CSMD1: variants seen among roughly 807,000 people sequenced by gnomAD.
CSMD1 encodes the protein CUB and sushi domain-containing protein 1.
A neutral mutation model predicts 417.5 loss-of-function variants in CSMD1; 213 were observed. The ratio of observed to expected loss-of-function variants is 0.51; its 90% CI spans 0.46 to 0.57. CSMD1 has a LOEUF of 0.57. CSMD1 is among the 20% of genes least tolerant of loss of function. The pLI is 0.00. For missense variants in CSMD1, 6,923 were observed against 4,529.7 expected, an observed-to-expected ratio of 1.53 and a Z score of -15.17; for synonymous variants, 2,862 against 1,736.8, an observed-to-expected ratio of 1.65 and a Z score of -16.11.
intron 3 of CSMD1, among the ~76,000 whole-genome samples, chr8:4,292,399 C>T (rs1243288407): frequency 6.6e-6 from 1 of 151,950 alleles, no homozygotes; most frequent in Non-Finnish European, 1.5e-5. Context: ...ACTACAGGTG[C>T]CCGCCACCAC....
intron 1 of CSMD1, among the ~76,000 whole-genome samples, chr8:4,947,453 G>GACTT (rs1342059468): frequency 6.6e-6 from 1 of 151,972 alleles, no homozygotes; most frequent in Non-Finnish European, 1.5e-5. Context: ...GTCAATATTT[G>GACTT]ACTTGTCATC....
At chr8:3,293,886 TGGA>T (rs1803765770) in intron 25 of CSMD1, among the ~76,000 whole-genome samples, 1 of 152,198 alleles carries the variant, frequency 6.6e-6, no homozygotes, top group Non-Finnish European at 1.5e-5. Context: ...TGTGTTCCTT[TGGA>T]GGAGGAGAGG....
intron 3 of CSMD1, among the ~76,000 whole-genome samples, chr8:4,351,687 T>G (rs146832434): frequency 6.6e-6 from 1 of 152,298 alleles, no homozygotes; most frequent in Non-Finnish European, 1.5e-5. Flanking sequence ...AGAGGAGACT[T>G]GAATCCTTAG....
chr8:2,979,209 C>A (rs1158383252), intron 54 of CSMD1, among the ~76,000 whole-genome samples: 2 of 152,358 alleles, frequency 1.3e-5, no homozygotes, highest in Admixed American at 6.5e-5. Context: ...CCCCCCAACA[C>A]ACATACACAC....
At chr8:4,482,616 T>C (rs373385605) in intron 2 of CSMD1, among the ~76,000 whole-genome samples, 2 of 152,208 alleles carry the variant, frequency 1.3e-5, no homozygotes, top group South Asian at 2.1e-4. Context: ...CACCCAGTAA[T>C]GGGATTGCTG....
At chr8:3,269,230 GTTCA>G (rs1801659278) in intron 26 of CSMD1, among the ~76,000 whole-genome samples, 3 of 152,226 alleles carry the variant, frequency 2.0e-5, no homozygotes, top group Non-Finnish European at 2.9e-5. Context: ...GGCCTATGCT[GTTCA>G]CAATCTATGA....
At chr8:3,178,165 G>A (rs1217257444) in intron 37 of CSMD1, among the ~76,000 whole-genome samples, 1 of 152,088 alleles carries the variant, frequency 6.6e-6, no homozygotes, top group East Asian at 1.9e-4. Context: ...TCTTGGAACT[G>A]CTTTTGCTAC....
chr8:4,674,402 AGGCAAGT>A (rs1295318825), intron 1 of CSMD1, among the ~76,000 whole-genome samples: 2 of 152,154 alleles, frequency 1.3e-5, no homozygotes, highest in Non-Finnish European at 2.9e-5. Flanking sequence ...AAGAAGGTAA[AGGCAAGT>A]GGAAACAGGT....
At chr8:4,816,178 CA>C (rs1487319979) in intron 1 of CSMD1, among the ~76,000 whole-genome samples, 2 of 149,276 alleles carry the variant, frequency 1.3e-5, no homozygotes, top group African/African-American at 2.5e-5. Context: ...GTCACTAAAT[CA>C]CACTTGTTAT....
chr8:3,586,748 T>C (rs1006780866), intron 8 of CSMD1, among the ~76,000 whole-genome samples: 1 of 152,158 alleles, frequency 6.6e-6, no homozygotes, highest in Non-Finnish European at 1.5e-5. Context: ...AGAAAGCTAG[T>C]GATATTTCAG....
intron 12 of CSMD1, among the ~76,000 whole-genome samples, chr8:3,451,927 A>C (rs1815749328): frequency 6.6e-6 from 1 of 152,138 alleles, no homozygotes; most frequent in South Asian, 2.1e-4. Context: ...TTTTCACGAC[A>C]TTGATTCTTC....
intron 33 of CSMD1, among the ~76,000 whole-genome samples, chr8:3,198,583 G>C (rs567301620): frequency 1.3e-5 from 2 of 152,080 alleles, no homozygotes; most frequent in Non-Finnish European, 2.9e-5. Context: ...AGAGATCTTT[G>C]TCTCCTGATT....
At chr8:3,053,559 G>A (rs1347169721) in intron 49 of CSMD1, among the ~76,000 whole-genome samples, 1 of 152,180 alleles carries the variant, frequency 6.6e-6, no homozygotes, top group Non-Finnish European at 1.5e-5. Context: ...GCAGAAGGCA[G>A]CATCTAGTGG....
At chr8:3,205,960 C>T (rs145714024) in intron 30 of CSMD1, among the ~76,000 whole-genome samples, 10 of 152,126 alleles carry the variant, frequency 6.6e-5, no homozygotes, top group East Asian at 5.8e-4. Flanking sequence ...GTTGTCTGTT[C>T]GAAGTCAATC....
intron 3 of CSMD1, among the ~76,000 whole-genome samples, chr8:4,249,171 T>C (rs1802895309): frequency 6.6e-6 from 1 of 152,190 alleles, no homozygotes; most frequent in Non-Finnish European, 1.5e-5. Flanking sequence ...AAGAGAATGA[T>C]AGACTACTTG....
chr8:4,638,998 C>A (rs569927699), intron 1 of CSMD1, among the ~76,000 whole-genome samples: 1 of 152,144 alleles, frequency 6.6e-6, no homozygotes, highest in African/African-American at 2.4e-5. Flanking sequence ...AAGAACCAAG[C>A]GCTGAAAGAA....
At chr8:3,585,164 T>C (rs949636914) in intron 9 of CSMD1, among the ~76,000 whole-genome samples, 27 of 152,064 alleles carry the variant, frequency 1.8e-4, no homozygotes, top group African/African-American at 6.5e-4. Context: ...ATACAGTAAA[T>C]GGGGCCAAAG....
intron 22 of CSMD1, among the ~76,000 whole-genome samples, chr8:3,346,209 T>A (rs1807980321): frequency 6.6e-6 from 1 of 152,198 alleles, no homozygotes; most frequent in Non-Finnish European, 1.5e-5. Flanking sequence ...GCACGTTTTT[T>A]TAAAAACAAC....
At chr8:3,306,761 TA>T (rs1804886181) in intron 25 of CSMD1, among the ~76,000 whole-genome samples, 2 of 152,168 alleles carry the variant, frequency 1.3e-5, no homozygotes, top group African/African-American at 2.4e-5. Context: ...AAACTGATTT[TA>T]AAATTACCTT....
Sources: gnomAD v4.1 joint callset for allele counts (sites outside exome capture counted in the v4.1 genomes callset) on GRCh38, gnomAD v4.1.1 for gene constraint, MANE v1.5 for transcripts, NCBI Gene and HGNC (gene_info 2026-07-23, HGNC 2026-07-21) for gene names.